Variants in KDM3A observed in about 807,000 individuals in gnomAD.
The protein encoded by KDM3A is lysine-specific demethylase 3A.
Under a neutral mutation model 158.0 loss-of-function variants are expected in KDM3A, and 60 were observed. The ratio of observed to expected loss-of-function variants is 0.38; its 90% CI spans 0.31 to 0.47. The LOEUF (loss-of-function observed/expected upper bound fraction) is 0.47. Among genes scored for constraint, KDM3A ranks in the 20% least tolerant of loss-of-function variants. The probability of loss-of-function intolerance (pLI) is 0.99; values close to 1 mark genes in which losing one functional copy is unlikely to be tolerated. For missense variants in KDM3A, 1,319 were observed against 1,574.3 expected (o/e 0.84, Z 2.74); for synonymous variants, 608 against 549.3 (o/e 1.11, Z -1.49).
intron 21 of KDM3A, 123 bp downstream of exon 21, chr2:86,485,982 T>G (rs1461310333): frequency 1.0e-6 from 1 of 1,003,966 alleles, no homozygotes; most frequent in Non-Finnish European, 1.4e-6. Context: ...CAGCCACAGC[T>G]TTCATTTTTA....
chr2:86,450,642 G>A lies in KDM3A; in HGVS notation c.343-461G>A, dbSNP rs555595528. Among the ~76,000 whole-genome samples, 27 of 152,284 alleles carry A rather than the reference G, an allele frequency of 1.8e-4. 1 individual carries two copies. Among genetic ancestry groups the A allele is most frequent in the Admixed American group, 1.3e-3 (20 of 15,290 alleles). On this transcript the variant is annotated intron_variant, in intron 3 of 25. Transcript: ENST00000312912. ...TGGATCTGGATAGTTTGGAAAGGCC[G>A]GGAGAATGGTTGAAGGCTGATCAGA... is the stretch of plus-strand genomic sequence containing the variant.
In KDM3A at chr2:86,442,147, G is replaced by A. The variant is rs777736062; in HGVS notation, c.100G>A (p.Asp34Asn). The change falls in exon 2 of 26, where the codon GAC (aspartate) becomes AAC (asparagine). Residue 34 changes from aspartate (D) to asparagine (N), a missense_variant. Physicochemically the swap from Asp to Asn is conservative, Grantham distance 23. Transcript: ENST00000312912. ...DGSDGSHDSW[D>N]VERVAEWPWL... ...CAGCGATGGCAGCCACGACAGCTGGGACGTGGAGCGCGTCGCCGAGTGGCC... is the reference window on the plus strand; with the variant it reads ...CAGCGATGGCAGCCACGACAGCTGGAACGTGGAGCGCGTCGCCGAGTGGCC... 2.5e-6 allele frequency: 4 copies of A among 1,614,154 alleles called. No individual in the cohort carries two copies. Among genetic ancestry groups the A allele is most frequent in the Admixed American group, 1.7e-5 (1 of 60,028 alleles).
chr2:86,491,300 A>G (rs1558635316), intron 25 of KDM3A, 25 bp downstream of exon 25: 4 of 1,610,748 alleles, frequency 2.5e-6, no homozygotes, highest in Admixed American at 3.3e-5. Context: ...AATTCCTAGC[A>G]TTCTTTGGCT....
intron 23 of KDM3A, chr2:86,489,974 T>A (rs1674378607): frequency 4.6e-6 from 1 of 218,796 alleles, no homozygotes; most frequent in African/African-American, 2.3e-5. Flanking sequence ...ATATCTGTTT[T>A]TATTGCCTTG....
In KDM3A at chr2:86,475,008, G is replaced by C. The variant is rs769622278; in HGVS notation, c.1939+18G>C. On this transcript the variant is annotated intron_variant, in intron 12 of 25. Transcript: ENST00000312912. The stretch of plus-strand genomic sequence containing the variant: ...GCCACACAGTAAGAGCATCTCTTAG[G>C]GGGTAGGATTTTCGAGCCCAATTTG... The C allele has an allele frequency of 5.6e-6, 9 of 1,593,128 alleles. No individual in the cohort carries two copies. Among genetic ancestry groups the C allele is most frequent in the Non-Finnish European group, 6.0e-6 (7 of 1,164,790 alleles).
At position 86,474,999 on chromosome 2, in the gene KDM3A, A is replaced by G; in HGVS notation, c.1939+9A>G. ...AACTATTGAGCCACACAGTAAGAGCATCTCTTAGGGGGTAGGATTTTCGAG... is the reference window on the plus strand; with the variant it reads ...AACTATTGAGCCACACAGTAAGAGCGTCTCTTAGGGGGTAGGATTTTCGAG... On this transcript the variant is annotated intron_variant, in intron 12 of 25. Coordinates refer to ENST00000312912, the MANE Select transcript of KDM3A (RefSeq NM_018433.6). 1.9e-6 allele frequency: 3 copies of G among 1,608,362 alleles called. No individual in the cohort carries two copies. Among genetic ancestry groups the G allele is most frequent in the Non-Finnish European group, 1.7e-6 (2 of 1,174,914 alleles).
At chr2:86,478,455 G>A (rs1022424431) in intron 14 of KDM3A, among the ~76,000 whole-genome samples, 153 bp from the exon 15 acceptor site, 2 of 152,190 alleles carry the variant, frequency 1.3e-5, no homozygotes, top group Admixed American at 6.5e-5. Context: ...TAGTAGAAAA[G>A]AAAATGCATT....
intron 2 of KDM3A, among the ~76,000 whole-genome samples, chr2:86,444,127 C>T (rs372747938): frequency 2.0e-5 from 3 of 152,194 alleles, no homozygotes; most frequent in East Asian, 1.9e-4. Context: ...TCTCCTCCCT[C>T]CGCCCCCATC....
chr2:86,447,017 G>A (rs1050567490), intron 2 of KDM3A, among the ~76,000 whole-genome samples: 2 of 152,146 alleles, frequency 1.3e-5, no homozygotes, highest in Admixed American at 1.3e-4. Context: ...TCCCCACGTT[G>A]CCTTGGCTGG....
At chr2:86,482,767 C>A (rs907213011) in intron 18 of KDM3A, 73 bp downstream of exon 18, 15 of 1,407,116 alleles carry the variant, frequency 1.1e-5, no homozygotes, top group Non-Finnish European at 1.4e-5. Flanking sequence ...CTTCTGACAA[C>A]CCCACCCCAG....
chr2:86,491,074 T>C lies in KDM3A; in HGVS notation c.3750+17T>C, dbSNP rs1573218039. On this transcript the variant is annotated intron_variant, in intron 24 of 25. Transcript: ENST00000312912. ...CCACATCAGGCAAGAATCATTACTTTTTCTTTAATCTCTTTATGTCATGAA... is the reference window on the plus strand; with the variant it reads ...CCACATCAGGCAAGAATCATTACTTCTTCTTTAATCTCTTTATGTCATGAA... 6.2e-7 allele frequency: 1 copy of C among 1,613,034 alleles called. No homozygotes were observed. Among genetic ancestry groups the C allele is most frequent in the Non-Finnish European group, 8.5e-7 (1 of 1,179,570 alleles).
chr2:86,451,338 AACATCT>A (rs1672459758), intron 4 of KDM3A, 125 bp downstream of exon 4: 2 of 552,768 alleles, frequency 3.6e-6, no homozygotes, highest in African/African-American at 3.8e-5. Flanking sequence ...TGCACAGTAA[AACATCT>A]ACATATAACT....
chr2:86,458,315 A>T (rs1672790541), intron 8 of KDM3A, among the ~76,000 whole-genome samples: 1 of 152,208 alleles, frequency 6.6e-6, no homozygotes. Context: ...AAAGCTTTGT[A>T]AACCAGTGTC....
intron 6 of KDM3A, 103 bp downstream of exon 6, chr2:86,456,669 G>T: frequency 7.7e-7 from 1 of 1,292,172 alleles, no homozygotes; most frequent in South Asian, 1.3e-5. Context: ...TTATTTTATA[G>T]GGTAGAAATA....
chr2:86,468,806 G>A (rs1000560695), intron 10 of KDM3A, among the ~76,000 whole-genome samples: 2 of 152,132 alleles, frequency 1.3e-5, no homozygotes, highest in South Asian at 2.1e-4. Flanking sequence ...GGAAGTGGGC[G>A]TTGCATTTTT....
chr2:86,453,413 A>G (rs1463122224), intron 4 of KDM3A, among the ~76,000 whole-genome samples: 1 of 152,162 alleles, frequency 6.6e-6, no homozygotes, highest in Non-Finnish European at 1.5e-5. Flanking sequence ...AGCACCTGAA[A>G]ATCATTTGGC....
At chr2:86,490,816 G>GA (rs1007758825) in intron 23 of KDM3A, 65 bp from the exon 24 acceptor site, 31 of 1,287,056 alleles carry the variant, frequency 2.4e-5, no homozygotes, top group East Asian at 4.9e-5. Flanking sequence ...CTGTTTAGAG[G>GA]AAAAAAATGG....
intron 3 of KDM3A, 118 bp from the exon 4 acceptor site, chr2:86,450,985 G>A: frequency 1.7e-6 from 1 of 600,360 alleles, no homozygotes; most frequent in South Asian, 2.4e-5. Flanking sequence ...ATAACTTGCA[G>A]TAAATAAAAA....
chr2:86,472,578 T>G (rs1673471624), intron 11 of KDM3A, among the ~76,000 whole-genome samples: 1 of 152,224 alleles, frequency 6.6e-6, no homozygotes, highest in East Asian at 1.9e-4. Context: ...AATTAAAAAC[T>G]TTCATCTCTC....
Sources: gnomAD v4.1 joint callset for allele counts (sites outside exome capture counted in the v4.1 genomes callset) on GRCh38, gnomAD v4.1.1 for gene constraint, MANE v1.5 for transcripts, NCBI Gene and HGNC (gene_info 2026-07-23, HGNC 2026-07-21) for gene names.